MAD1L1: variants seen among roughly 807,000 people sequenced by gnomAD.
MAD1L1 encodes the protein mitotic spindle assembly checkpoint protein MAD1.
A neutral mutation model predicts 96.9 loss-of-function variants in MAD1L1; 95 were observed. The observed-to-expected ratio is 0.98, with a 90% CI of 0.83 to 1.16. The LOEUF (loss-of-function observed/expected upper bound fraction) is 1.16. Among genes scored for constraint, MAD1L1 ranks in the 50% most tolerant of loss-of-function variants. The pLI is 0.00. For missense variants in MAD1L1, 1,007 were observed against 954.4 expected, an observed-to-expected ratio of 1.06 and a Z score of -0.73; for synonymous variants, 473 against 396.6, an observed-to-expected ratio of 1.19 and a Z score of -2.29.
chr7:2,095,746 C>T (rs775431043), intron 11 of MAD1L1, among the ~76,000 whole-genome samples: 14 of 152,172 alleles, frequency 9.2e-5, no homozygotes, highest in Non-Finnish European at 1.8e-4. Flanking sequence ...GCGGGGCCAA[C>T]GCAGGGAAGC....
intron 15 of MAD1L1, among the ~76,000 whole-genome samples, chr7:1,965,628 G>A (rs1463135384): frequency 5.3e-5 from 8 of 152,206 alleles, no homozygotes; most frequent in South Asian, 2.1e-4. Context: ...CCCGGCCCCC[G>A]TGGCCCCTGC....
At chr7:2,059,594 C>A (rs577767988) in intron 12 of MAD1L1, among the ~76,000 whole-genome samples, 3 of 111,240 alleles carry the variant, frequency 2.7e-5, no homozygotes, top group Admixed American at 1.9e-4. Context: ...AGGAGAGGCA[C>A]GGGGCTGGTG....
intron 16 of MAD1L1, among the ~76,000 whole-genome samples, chr7:1,952,161 A>G (rs6961018): frequency 0.86 from 131,050 of 152,246 alleles, 57,725 homozygotes; most frequent in Non-Finnish European, 0.96. Context: ...CAACTTCACC[A>G]GCACCTTCAG....
At chr7:1,978,408 C>T (rs530191685) in intron 15 of MAD1L1, among the ~76,000 whole-genome samples, 27 of 152,208 alleles carry the variant, frequency 1.8e-4, no homozygotes, top group Non-Finnish European at 3.5e-4. Flanking sequence ...ACTCCGGCTT[C>T]GGAGGGGCTC....
At chr7:2,053,356 A>G (rs1006425806) in intron 12 of MAD1L1, among the ~76,000 whole-genome samples, 14 of 152,008 alleles carry the variant, frequency 9.2e-5, no homozygotes, top group African/African-American at 3.1e-4. Flanking sequence ...CTCCCTGGCC[A>G]CTCCAAAGGC....
chr7:2,005,923 G>A (rs180968656), intron 13 of MAD1L1, among the ~76,000 whole-genome samples: 122 of 152,332 alleles, frequency 8.0e-4, no homozygotes, highest in African/African-American at 2.2e-3. Context: ...GACTCCAGGC[G>A]GAGGGTTCTC....
Position 2,074,198 on chromosome 7 carries a change from G to A in MAD1L1, c.1074-4860C>T, listed in dbSNP as rs377254828. Among the ~76,000 whole-genome samples, 47 of 152,238 alleles carry A rather than the reference G, an allele frequency of 3.1e-4. No homozygotes were observed. In the East Asian group the frequency reaches 7.8e-3, roughly 25 times the overall value. On this transcript the variant is annotated intron_variant, in intron 11 of 18. Transcript: ENST00000265854. ...GGAACACCGCAGCCAGCCTGGGCTC[G>A]CTGGGCCTCCATTCTACTGGGGTGG...
rs184546889 is a variant in MAD1L1 at position 2,132,552 on chromosome 7, A to G, written c.1073+16600T>C. On this transcript the variant is annotated intron_variant, in intron 11 of 18. Transcript: ENST00000265854. ...AAAAATCCTCTGGGTCCGCCTGCGC[A>G]TCCCTCTTGTCCATCCCTGGCAACC... 6.6e-5 allele frequency among the ~76,000 whole-genome samples: 10 copies of G among 152,238 alleles called. No homozygotes were observed. In the East Asian group the frequency reaches 1.4e-3, roughly 21 times the overall value.
At chr7:1,956,854 G>A (rs1275801405) in intron 16 of MAD1L1, among the ~76,000 whole-genome samples, 1 of 152,246 alleles carries the variant, frequency 6.6e-6, no homozygotes, top group Admixed American at 6.5e-5. Context: ...CGGCCACTGA[G>A]GACACCTTGG....
intron 10 of MAD1L1, among the ~76,000 whole-genome samples, chr7:2,193,776 C>T (rs1221304473): frequency 6.6e-6 from 1 of 152,174 alleles, no homozygotes; most frequent in Non-Finnish European, 1.5e-5. Context: ...GCCAGTCTCA[C>T]CCTAGGCTCT....
intron 18 of MAD1L1, among the ~76,000 whole-genome samples, chr7:1,844,007 G>A (rs1041278086): frequency 3.3e-5 from 5 of 150,772 alleles, no homozygotes; most frequent in African/African-American, 5.0e-5. Context: ...GAGTGGGGCC[G>A]GGAAGGGCAG....
At chr7:2,161,329 G>T (rs191054310) in intron 10 of MAD1L1, among the ~76,000 whole-genome samples, 33 of 152,070 alleles carry the variant, frequency 2.2e-4, no homozygotes, top group Non-Finnish European at 3.1e-4. Context: ...GCTGGTCTCA[G>T]CTCCTGACCG....
intron 17 of MAD1L1, among the ~76,000 whole-genome samples, chr7:1,914,665 G>A (rs2056480): frequency 0.3 from 45,237 of 152,176 alleles, 7,982 homozygotes; most frequent in East Asian, 0.46. Flanking sequence ...CCAGGGTAGC[G>A]AACAGGGGTG....
intron 15 of MAD1L1, among the ~76,000 whole-genome samples, chr7:1,961,771 G>C (rs111563617): frequency 0.017 from 2,517 of 151,280 alleles, 84 homozygotes; most frequent in African/African-American, 0.058. Context: ...TAATGAATCA[G>C]AGGGCAGTTT....
intron 14 of MAD1L1, among the ~76,000 whole-genome samples, chr7:1,999,055 A>G (rs947686803): frequency 6.6e-6 from 1 of 152,092 alleles, no homozygotes; most frequent in Non-Finnish European, 1.5e-5. Flanking sequence ...CACACTCCAC[A>G]GAGTCCCCAC....
At chr7:2,127,659 C>T (rs1474148400) in intron 11 of MAD1L1, among the ~76,000 whole-genome samples, 2 of 152,158 alleles carry the variant, frequency 1.3e-5, no homozygotes, top group South Asian at 4.2e-4. Flanking sequence ...CAGAGAGGAG[C>T]GGACCCACAG....
intron 12 of MAD1L1, among the ~76,000 whole-genome samples, chr7:2,041,770 A>AGAG (rs1783684499): frequency 6.6e-6 from 1 of 152,180 alleles, no homozygotes; most frequent in Non-Finnish European, 1.5e-5. Context: ...AGGAGTAGAA[A>AGAG]ACTCCACAAG....
intron 4 of MAD1L1, among the ~76,000 whole-genome samples, chr7:2,223,323 G>A (rs548144300): frequency 1.9e-4 from 29 of 152,290 alleles, no homozygotes; most frequent in Admixed American, 3.9e-4. Context: ...CTGGCCTTAG[G>A]GAGGCCGCGT....
chr7:2,065,960 C>A (rs539459563), intron 12 of MAD1L1, among the ~76,000 whole-genome samples: 29 of 152,326 alleles, frequency 1.9e-4, no homozygotes, highest in African/African-American at 6.7e-4. Context: ...GGAGAAACGG[C>A]TCATTTCAAA....
Sources: allele counts gnomAD v4.1 joint callset (sites outside exome capture counted in the v4.1 genomes callset), GRCh38; gene constraint gnomAD v4.1.1; transcripts MANE v1.5; gene names NCBI Gene and HGNC (gene_info 2026-07-23, HGNC 2026-07-21).